The following POLR2F variants were observed in gnomAD, a reference collection of about 807,000 sequenced individuals.
The protein encoded by POLR2F is RNA polymerase II, I and III subunit F.
In POLR2F, 12 loss-of-function variants were observed where a neutral mutation model predicts 22.7. The observed-to-expected ratio is 0.53, with a 90% CI of 0.34 to 0.86. POLR2F has a LOEUF of 0.86. POLR2F is among the 40% of genes least tolerant of loss of function. The pLI is 0.02. For missense variants in POLR2F, 126 were observed against 171.5 expected (o/e 0.73, Z 1.48); for synonymous variants, 57 against 66.0 (o/e 0.86, Z 0.66).
rs139550177 is a variant in POLR2F at position 38,036,276 on chromosome 22, C to T, written c.453-4792C>T. 5.0e-3 allele frequency among the ~76,000 whole-genome samples: 758 copies of T among 151,316 alleles called. 8 individuals are homozygous for T. The highest frequency in any genetic ancestry group is 0.018 in the African/African-American group (730 of 41,224). ...ACAGGTGTGAGCCACCGCACCCAGCCGAGCCCCTGCTTTTCTAGGCCATTT... is the reference window on the plus strand; with the variant it reads ...ACAGGTGTGAGCCACCGCACCCAGCTGAGCCCCTGCTTTTCTAGGCCATTT... On this transcript the variant is annotated intron_variant, in intron 5 of 5. Transcript: ENST00000407936.
intron 1 of POLR2F, among the ~76,000 whole-genome samples, chr22:38,000,847 G>A (rs138206168): frequency 5.2e-4 from 79 of 152,300 alleles, no homozygotes; most frequent in African/African-American, 1.8e-3. Context: ...CCCTGCCCTC[G>A]GAGCTCATAG....
chr22:37,992,827 G>A (rs930052132), intron 1 of POLR2F, among the ~76,000 whole-genome samples: 1 of 152,244 alleles, frequency 6.6e-6, no homozygotes, highest in Non-Finnish European at 1.5e-5. Context: ...TGGAACCAAA[G>A]CAGAAGGGGA....
chr22:38,033,611 C>T (rs1234219050), intron 5 of POLR2F, among the ~76,000 whole-genome samples: 1 of 152,234 alleles, frequency 6.6e-6, no homozygotes, highest in Non-Finnish European at 1.5e-5. Context: ...TCCCCCAGTG[C>T]AGTGGGGGTT....
exon 2 of POLR2F, chr22:38,026,064 A>G (rs762801802): frequency 1.9e-6 from 1 of 535,656 alleles, no homozygotes; most frequent in Non-Finnish European, 3.8e-6. Flanking sequence ...CCTGCTCTTC[A>G]GAGAAGGTTT....
At chr22:37,970,664 G>A (rs1415829302), downstream of POLR2F, 3 of 151,376 alleles carry the variant, frequency 2.0e-5, no homozygotes, top group East Asian at 1.9e-4. Flanking sequence ...GGAGAGAGGC[G>A]TTTAATGCTG....
intron 4 of POLR2F, among the ~76,000 whole-genome samples, chr22:37,976,138 G>A (rs1410564794): frequency 4.6e-5 from 7 of 152,112 alleles, no homozygotes; most frequent in African/African-American, 9.7e-5. Flanking sequence ...CACAAGAATC[G>A]CTTAAACCCA....
chr22:38,023,676 C>CT (rs973455860), intron 1 of POLR2F, among the ~76,000 whole-genome samples: 5 of 151,408 alleles, frequency 3.3e-5, no homozygotes, highest in Non-Finnish European at 5.9e-5. Flanking sequence ...ATGATTTTTG[C>CT]TTTTTTTTCT....
rs2145762996 is a variant in POLR2F at position 37,974,723 on chromosome 22, G to A, written c.293+7553G>A. The stretch of plus-strand genomic sequence containing the variant: ...ATGAAATTCTCAAATCTTAGGGATG[G>A]GTCCTGGGGAGGCCTGCCTCATTCT... On this transcript the variant is annotated intron_variant, in intron 4 of 4. Transcript: ENST00000405557. The surrounding 1 kb of genome is among the most constrained non-coding windows in gnomAD (Gnocchi z 5.4). Among the ~76,000 whole-genome samples the A allele has an allele frequency of 6.6e-6, 1 of 152,216 alleles. No individual in the cohort carries two copies. Among genetic ancestry groups the A allele is most frequent in the South Asian group, 2.1e-4 (1 of 4,818 alleles).
chr22:38,040,980 G>A (rs557514470), intron 5 of POLR2F: 4 of 1,598,006 alleles, frequency 2.5e-6, no homozygotes, highest in African/African-American at 1.3e-5. Flanking sequence ...GTTGATCAAA[G>A]GCTGAAGTTC....
chr22:38,038,016 T>C (rs543291009), intron 5 of POLR2F, among the ~76,000 whole-genome samples: 3 of 151,784 alleles, frequency 2.0e-5, no homozygotes, highest in East Asian at 3.9e-4. Context: ...CTAAGCACAG[T>C]AGGTGCTCAT....
chr22:37,966,242 G>A (rs1010301365), intron 3 of POLR2F, among the ~76,000 whole-genome samples: 7 of 152,138 alleles, frequency 4.6e-5, no homozygotes, highest in East Asian at 1.9e-4. Context: ...ACAACATGGC[G>A]CATCTAGGGA....
chr22:37,979,355 C>G (rs1932323321), intron 4 of POLR2F, among the ~76,000 whole-genome samples: 1 of 151,812 alleles, frequency 6.6e-6, no homozygotes, highest in South Asian at 2.1e-4. Context: ...GCCTTGGCCT[C>G]CCAAAGTGCT....
downstream of POLR2F, among the ~76,000 whole-genome samples, chr22:38,028,707 G>C (rs913465283): frequency 5.3e-5 from 8 of 152,262 alleles, no homozygotes; most frequent in African/African-American, 1.9e-4. Flanking sequence ...CTGTGGGATG[G>C]GGAGGAAGGG....
chr22:38,020,204 T>TACAC lies in POLR2F; in HGVS notation c.121-5664_121-5663insCACA, dbSNP rs1336670749. Reference sequence around the variant, plus strand: ...TCTCTGCTAAATACACACACACATATATACACACACACACACACACACACA... The same window carrying TACAC: ...TCTCTGCTAAATACACACACACATATACACATACACACACACACACACACACACA... On this transcript the variant is annotated intron_variant, in intron 1 of 2. Coordinates refer to the POLR2F transcript ENST00000333418. Among the ~76,000 whole-genome samples the TACAC allele has an allele frequency of 4.6e-3, 415 of 91,042 alleles. 3 individuals carry two copies. Among genetic ancestry groups the TACAC allele is most frequent in the East Asian group, 0.032 (77 of 2,414 alleles). The allele number at this position is 91,042 out of a possible 152,430, so 59.7% of individuals were successfully genotyped here.
chr22:37,956,735 G>C, intron 1 of POLR2F, 38 bp from the exon 2 acceptor site: 1 of 1,545,816 alleles, frequency 6.5e-7, no homozygotes, highest in Non-Finnish European at 8.9e-7. Context: ...ATTCTTTTAA[G>C]TGATGCTCTA....
intron 3 of POLR2F, among the ~76,000 whole-genome samples, 189 bp from the exon 4 acceptor site, chr22:37,966,910 G>A (rs937166034): frequency 2.6e-5 from 4 of 152,184 alleles, no homozygotes; most frequent in Admixed American, 6.5e-5. Flanking sequence ...GCTGGACTCC[G>A]GAGTCTGTGA....
At chr22:37,983,281 A>T (rs767344300), upstream of POLR2F, 19 of 1,499,966 alleles carry the variant, frequency 1.3e-5, no homozygotes, top group Non-Finnish European at 1.6e-5. The surrounding 1 kb of genome is among the most constrained non-coding windows in gnomAD (Gnocchi z 9.5). Flanking sequence ...GAGGTGCAGG[A>T]GGCCGGGCCG....
intron 1 of POLR2F, among the ~76,000 whole-genome samples, chr22:38,001,504 C>T (rs530022840): frequency 7.6e-4 from 115 of 152,224 alleles, no homozygotes; most frequent in Non-Finnish European, 1.4e-3. Context: ...ACAGTGAATG[C>T]CTGACATTGG....
downstream of POLR2F, chr22:37,973,660 A>G (rs772518921): frequency 4.3e-6 from 7 of 1,613,760 alleles, no homozygotes; most frequent in Middle Eastern, 1.7e-4. Context: ...CCGAGTGGCC[A>G]TAATAGGGTC....
Sources: allele counts gnomAD v4.1 joint callset (sites outside exome capture counted in the v4.1 genomes callset), GRCh38; gene constraint gnomAD v4.1.1; non-coding constraint Gnocchi (gnomAD v3.1); transcripts MANE v1.5; gene names NCBI Gene and HGNC (gene_info 2026-07-23, HGNC 2026-07-21).